MST1R: variants seen among roughly 807,000 people sequenced by gnomAD.
The protein encoded by MST1R is macrophage stimulating 1 receptor, also known as macrophage-stimulating protein receptor.
MST1R carries 99 observed loss-of-function variants against 117.8 expected under a neutral mutation model. The observed-to-expected ratio is 0.84, with a 90% CI of 0.71 to 0.99. MST1R has a LOEUF of 0.99. Among genes scored for constraint, MST1R ranks in the 50% least tolerant of loss-of-function variants. The pLI is 0.00. For synonymous variants in MST1R, 734 were observed against 765.3 expected, an observed-to-expected ratio of 0.96 and a Z score of 0.68; for missense variants, 1,683 against 1,840.2, an observed-to-expected ratio of 0.91 and a Z score of 1.56.
rs747896303 is a variant in MST1R, at chr3:49,898,851, C to T, written c.1548+16G>A. 1.9e-6 allele frequency: 3 copies of T among 1,613,744 alleles called. No homozygotes were observed. Among genetic ancestry groups the T allele is most frequent in the Non-Finnish European group, 2.5e-6 (3 of 1,179,874 alleles). ...CCCACAACCCTGGCCCCAGGCCCTGCCCCTGCCCACCTCACCTGGTCCCCA... is the reference window on the plus strand; with the variant it reads ...CCCACAACCCTGGCCCCAGGCCCTGTCCCTGCCCACCTCACCTGGTCCCCA... On this transcript the variant is annotated intron_variant, in intron 3 of 19. Transcript: ENST00000296474.
chr3:49,889,689 CA>C (rs1298634083), intron 19 of MST1R, among the ~76,000 whole-genome samples: 2 of 152,156 alleles, frequency 1.3e-5, no homozygotes. Flanking sequence ...CCACGGGCCT[CA>C]ACCCCAACTC....
At position 49,903,616 on chromosome 3, in the gene MST1R, G is replaced by A. The variant is rs368446781; in HGVS notation, c.-7C>T. ...GCGGCGGGAGGAGCTCCATCGAGGC[G>A]AGCTGGGACCCTAGAGGATCCCTAC... On this transcript the variant is annotated 5_prime_UTR_variant, in exon 1 of 20. Coordinates refer to ENST00000296474, the MANE Select transcript of MST1R (RefSeq NM_002447.4). 5 of 1,553,116 alleles carry A rather than the reference G, an allele frequency of 3.2e-6. No individual in the cohort carries two copies. Among genetic ancestry groups the A allele is most frequent in the African/African-American group, 2.7e-5 (2 of 74,202 alleles).
chr3:49,899,560 CTTTTTTTTTTTTTTTTTTT>C (rs66742220), intron 1 of MST1R: 17 of 66,394 alleles, frequency 2.6e-4, no homozygotes, highest in African/African-American at 1.2e-3. Context: ...CCCCGTACAT[CTTTTTTTTTTTTTTTTTTT>C]TTTTTTTTTT....
intron 19 of MST1R, among the ~76,000 whole-genome samples, 197 bp downstream of exon 19, chr3:49,889,727 A>C (rs904415440): frequency 6.6e-6 from 1 of 152,168 alleles, no homozygotes; most frequent in African/African-American, 2.4e-5. Context: ...TTACCATGGC[A>C]ACTGTGAGGT....
At chr3:49,897,241 G>A in intron 7 of MST1R, 39 bp downstream of exon 7, 1 of 1,569,550 alleles carries the variant, frequency 6.4e-7, no homozygotes, top group East Asian at 2.2e-5. Flanking sequence ...CACCTGGATA[G>A]AACCCTGCGG....
rs889230721 is a variant in MST1R, at chr3:49,895,191, G to A, written c.3247C>T (p.His1083Tyr). ...CCTTTGCCAATGACTCGGTCACTGT[G>A]GGTGACCACCCGCTCATGGGGAATC... is the stretch of plus-strand genomic sequence containing the variant. Reference protein sequence around the residue: ...VLIPHERVVTHSDRVIGKGHF... With the variant: ...VLIPHERVVTYSDRVIGKGHF... Residue 1083 changes from histidine to tyrosine, a missense_variant, in exon 14 of 20, where the codon CAC becomes TAC. Transcript: ENST00000296474. The A allele has an allele frequency of 2.5e-6, 4 of 1,613,994 alleles. No homozygotes were observed. In the South Asian group the frequency reaches 3.3e-5, roughly 13 times the overall value.
In MST1R at chr3:49,902,631, C is replaced by T. The variant is rs200757776; in HGVS notation, c.979G>A (p.Ala327Thr). The T allele has an allele frequency of 8.2e-5, 132 of 1,613,476 alleles. No individual in the cohort carries two copies. In the East Asian group the frequency reaches 2.6e-3, roughly 32 times the overall value. ...PYPVLRVAHSAPVGAQLATEL... is the reference protein window; with the variant it reads ...PYPVLRVAHSTPVGAQLATEL... ...GTGGCAAGTTGGGCACCCACTGGAGCGGAGTGGGCCACCCGCAGCACAGGG... is the reference window on the plus strand; with the variant it reads ...GTGGCAAGTTGGGCACCCACTGGAGTGGAGTGGGCCACCCGCAGCACAGGG... The change falls in exon 1 of 20, where the codon GCT becomes ACT. Residue 327 changes from alanine (A) to threonine (T), a missense_variant. By Grantham distance (58) the Ala-to-Thr change is moderately conservative (BLOSUM62 0). Transcript: ENST00000296474.
Position 49,902,717 on chromosome 3 carries a change from A to C in MST1R, c.893T>G (p.Leu298Arg), listed in dbSNP as rs779940852. 6.2e-6 allele frequency: 10 copies of C among 1,613,652 alleles called. No individual in the cohort carries two copies. The highest frequency in any genetic ancestry group is 1.7e-4 in the Middle Eastern group (1 of 6,058). ...PELGDYRELV[L>R]DCRFAPKRRR... ...GCGTTTTGGAGCAAATCTGCAGTCG[A>C]GGACCAGCTCCCGATAGTCACCCAA... Residue 298 changes from leucine to arginine, a missense_variant, in exon 1 of 20, where the codon CTC becomes CGC. Coordinates refer to ENST00000296474, the MANE Select transcript of MST1R (RefSeq NM_002447.4).
At chr3:49,888,892 G>A (rs1325606316) in intron 19 of MST1R, among the ~76,000 whole-genome samples, 2 of 152,250 alleles carry the variant, frequency 1.3e-5, no homozygotes, top group African/African-American at 4.8e-5. Context: ...GTGCCACCCA[G>A]ATACCCCTTT....
At chr3:49,894,876 T>C (rs1228907088) in intron 14 of MST1R, among the ~76,000 whole-genome samples, 1 of 151,986 alleles carries the variant, frequency 6.6e-6, no homozygotes, top group Admixed American at 6.6e-5. Flanking sequence ...TGGTGCAATC[T>C]TGGCTCACTG....
At chr3:49,894,105 C>T (rs1234519595) in intron 14 of MST1R, among the ~76,000 whole-genome samples, 1 of 150,692 alleles carries the variant, frequency 6.6e-6, no homozygotes, top group Non-Finnish European at 1.5e-5. Context: ...ATCCTAGCTA[C>T]TCAGGAAGCT....
At chr3:49,896,476 G>A (rs188120503) in intron 9 of MST1R, 64 bp downstream of exon 9, 60 of 1,606,442 alleles carry the variant, frequency 3.7e-5, no homozygotes, top group Admixed American at 2.2e-4. Flanking sequence ...AGCCCAGCAC[G>A]AGGTTGGGCT....
intron 17 of MST1R, 113 bp downstream of exon 17, chr3:49,891,084 G>T (rs576442292): frequency 7.7e-5 from 74 of 961,644 alleles, no homozygotes; most frequent in Non-Finnish European, 1.1e-4. Context: ...AAAAAGTAAG[G>T]TGCAGAGAGG....
chr3:49,899,457 G>T, intron 1 of MST1R, 194 bp from the exon 2 acceptor site: 1 of 601,978 alleles, frequency 1.7e-6, no homozygotes, highest in South Asian at 2.0e-5. Context: ...CAGGGAGAAG[G>T]CCCAGGCTGG....
In MST1R at chr3:49,891,588, G is replaced by C; in HGVS notation, c.3353-8C>G. ...GCTGCATCTCTGTGATGCCTGCAGA[G>C]CAGCGCAAGTCAGGCACAGGGCAGG... On this transcript the variant is annotated splice_polypyrimidine_tract_variant and splice_region_variant and intron_variant, in intron 15 of 19. Coordinates refer to ENST00000296474, the MANE Select transcript of MST1R (RefSeq NM_002447.4). The C allele has an allele frequency of 6.2e-7, 1 of 1,613,672 alleles. No homozygotes were observed. The highest frequency in any genetic ancestry group is 8.5e-7 in the Non-Finnish European group (1 of 1,179,866).
Position 49,890,785 on chromosome 3 carries a change from GCGCGATCTC to G in MST1R, c.3645-144_3645-136del, listed in dbSNP as rs1295371334. 4 of 833,272 alleles carry G rather than the reference GCGCGATCTC, an allele frequency of 4.8e-6. No individual in the cohort carries two copies. The African/African-American group carries it at 6.9e-5, about 14-fold the overall frequency. The allele number at this position is 833,272 out of a possible 1,614,324, so 51.6% of individuals were successfully genotyped here. A position where few individuals can be genotyped will look rare whatever the true frequency, so the allele number is the denominator to read the frequency against. On this transcript the variant is annotated intron_variant, in intron 17 of 19. Transcript: ENST00000296474. ...CTGTCACCCAGGCTGGAGTGCAGTG[GCGCGATCTC>G]CGCTCACTGCAAGCTCTGCCTCCTG...
In MST1R at chr3:49,903,228, C is replaced by T. The variant is rs769845082; in HGVS notation, c.382G>A (p.Ala128Thr). 5 of 1,607,500 alleles carry T rather than the reference C, an allele frequency of 3.1e-6. No individual in the cohort carries two copies. The highest frequency in any genetic ancestry group is 1.1e-5 in the South Asian group (1 of 91,080). ...TDTKVLVLDP[A>T]LPALVSCGSS... is the part of the protein sequence containing the mutation. ...CCACAACTGACCAGCGCAGGCAGCGCGGGATCCAGCACCAGCACCTTTGTG... is the reference window on the plus strand; with the variant it reads ...CCACAACTGACCAGCGCAGGCAGCGTGGGATCCAGCACCAGCACCTTTGTG... The change falls in exon 1 of 20, where the codon GCG (alanine) becomes ACG (threonine). Residue 128 changes from alanine (A) to threonine (T), a missense_variant. By Grantham distance (58) the Ala-to-Thr change is moderately conservative (BLOSUM62 0). Transcript: ENST00000296474.
intron 3 of MST1R, 56 bp from the exon 4 acceptor site, chr3:49,898,744 T>C (rs1467895802): frequency 1.6e-5 from 25 of 1,608,064 alleles, no homozygotes; most frequent in South Asian, 2.2e-5. Context: ...TTGGGCCCTA[T>C]AGACCCTCCC....
chr3:49,888,462 C>T (rs943657410), intron 19 of MST1R, among the ~76,000 whole-genome samples: 5 of 148,924 alleles, frequency 3.4e-5, no homozygotes, highest in Non-Finnish European at 7.4e-5. Flanking sequence ...AATTACTGGG[C>T]GTGGTGGCAC....
Sources: allele counts gnomAD v4.1 joint callset (sites outside exome capture counted in the v4.1 genomes callset), GRCh38; gene constraint gnomAD v4.1.1; transcripts MANE v1.5; gene names NCBI Gene and HGNC (gene_info 2026-07-23, HGNC 2026-07-21).